Variants in CCSER1 observed in about 807,000 individuals in gnomAD.
The protein encoded by CCSER1 is serine-rich coiled-coil domain-containing protein 1.
In CCSER1, 41 loss-of-function variants were observed where a neutral mutation model predicts 82.0. The observed-to-expected ratio is 0.50, with a 90% CI of 0.39 to 0.65. CCSER1 has a LOEUF of 0.65. Ranked by LOEUF, CCSER1 falls within the 30% of genes least tolerant of loss-of-function variation. The pLI, the probability that CCSER1 is intolerant of heterozygous loss-of-function variation, is 0.00. For synonymous variants in CCSER1, 414 were observed against 383.9 expected (o/e 1.08, Z -0.92); for missense variants, 1,119 against 1,064.2 (o/e 1.05, Z -0.72).
intron 5 of CCSER1, among the ~76,000 whole-genome samples, chr4:90,527,972 T>C (rs1774000229): frequency 6.6e-6 from 1 of 152,134 alleles, no homozygotes; most frequent in South Asian, 2.1e-4. Context: ...TAGGGGAAAT[T>C]ATGATGATTT....
intron 10 of CCSER1, among the ~76,000 whole-genome samples, chr4:91,350,280 AT>A (rs1342076923): frequency 3.3e-5 from 5 of 152,188 alleles, no homozygotes; most frequent in Non-Finnish European, 7.4e-5. Flanking sequence ...TTCTTCTGAT[AT>A]GTTTCTATTC....
chr4:91,391,488 A>G (rs532172313), intron 10 of CCSER1, among the ~76,000 whole-genome samples: 5 of 152,012 alleles, frequency 3.3e-5, no homozygotes, highest in African/African-American at 4.8e-5. Context: ...TTTTGTACAG[A>G]TGGTGTGTCC....
intron 10 of CCSER1, among the ~76,000 whole-genome samples, chr4:91,317,603 CGTGT>C (rs901591752): frequency 1.2e-4 from 18 of 148,546 alleles, no homozygotes. Context: ...TGTGTGTGTG[CGTGT>C]GTGTGTGTGT....
At chr4:90,945,624 A>G (rs1330935776) in intron 9 of CCSER1, among the ~76,000 whole-genome samples, 1 of 152,144 alleles carries the variant, frequency 6.6e-6, no homozygotes, top group East Asian at 1.9e-4. Flanking sequence ...CCACAAACAG[A>G]CTGTGTTATT....
At chr4:91,177,757 A>T (rs1733553624) in intron 10 of CCSER1, among the ~76,000 whole-genome samples, 1 of 152,084 alleles carries the variant, frequency 6.6e-6, no homozygotes, top group African/African-American at 2.4e-5. Flanking sequence ...TGATCTTTTC[A>T]AAAAACAATC....
intron 3 of CCSER1, among the ~76,000 whole-genome samples, chr4:90,320,388 A>C (rs185324298): frequency 6.6e-6 from 1 of 152,296 alleles, no homozygotes; most frequent in East Asian, 1.9e-4. Flanking sequence ...TTGTCTGATA[A>C]AGCTCTGGCT....
intron 10 of CCSER1, among the ~76,000 whole-genome samples, chr4:91,509,900 C>T (rs1291636702): frequency 6.6e-6 from 1 of 151,870 alleles, no homozygotes; most frequent in Non-Finnish European, 1.5e-5. Context: ...CAGTTTGTTC[C>T]ATTAGGTACA....
At chr4:90,377,077 A>C (rs1748454936) in intron 3 of CCSER1, among the ~76,000 whole-genome samples, 1 of 152,100 alleles carries the variant, frequency 6.6e-6, no homozygotes, top group Admixed American at 6.6e-5. Context: ...CAGGCACCTA[A>C]AAATGCTGTC....
intron 10 of CCSER1, among the ~76,000 whole-genome samples, chr4:91,431,234 T>C (rs1175963453): frequency 6.6e-6 from 1 of 151,926 alleles, no homozygotes; most frequent in Non-Finnish European, 1.5e-5. Flanking sequence ...AGACTCCATC[T>C]CAAAAACAGC....
intron 1 of CCSER1, among the ~76,000 whole-genome samples, chr4:90,257,849 A>G (rs562140852): frequency 2.0e-5 from 3 of 152,152 alleles, no homozygotes; most frequent in Non-Finnish European, 1.5e-5. Context: ...CTTTTATTCT[A>G]TTCAGGCCAT....
intron 10 of CCSER1, among the ~76,000 whole-genome samples, chr4:91,188,963 GA>G (rs1196562169): frequency 6.6e-6 from 1 of 151,746 alleles, no homozygotes; most frequent in Non-Finnish European, 1.5e-5. Flanking sequence ...CAGAGAAATA[GA>G]AAAAAAGAGT....
chr4:91,081,243 G>T (rs1028512983), intron 9 of CCSER1, among the ~76,000 whole-genome samples: 3 of 152,096 alleles, frequency 2.0e-5, no homozygotes, highest in Non-Finnish European at 4.4e-5. Flanking sequence ...GGGATGCAAG[G>T]CTGGTTCAAC....
intron 5 of CCSER1, among the ~76,000 whole-genome samples, chr4:90,477,386 C>A (rs985280923): frequency 2.6e-5 from 4 of 152,066 alleles, no homozygotes; most frequent in Non-Finnish European, 5.9e-5. Flanking sequence ...ATAGCACCTG[C>A]TTTGTAAGGT....
chr4:90,924,495 C>A (rs2150255306), intron 9 of CCSER1, among the ~76,000 whole-genome samples: 1 of 152,036 alleles, frequency 6.6e-6, no homozygotes, highest in South Asian at 2.1e-4. Context: ...AAAAATTATT[C>A]AATTATGTTT....
At chr4:91,331,071 C>T (rs1213312815) in intron 10 of CCSER1, among the ~76,000 whole-genome samples, 2 of 152,042 alleles carry the variant, frequency 1.3e-5, no homozygotes, top group Non-Finnish European at 2.9e-5. Flanking sequence ...CAGACATCCA[C>T]TGGGGGTCTT....
At chr4:91,022,881 T>A (rs1234271462) in intron 9 of CCSER1, among the ~76,000 whole-genome samples, 1 of 152,206 alleles carries the variant, frequency 6.6e-6, no homozygotes, top group Admixed American at 6.5e-5. Flanking sequence ...TGTAAATTTG[T>A]TTGAGTTCAT....
At chr4:90,967,381 G>T (rs1035917589) in intron 9 of CCSER1, among the ~76,000 whole-genome samples, 1 of 151,870 alleles carries the variant, frequency 6.6e-6, no homozygotes, top group Non-Finnish European at 1.5e-5. Context: ...CCCAAGAGGT[G>T]CAGGTTGCAG....
At chr4:91,381,999 G>T (rs1750934963) in intron 10 of CCSER1, among the ~76,000 whole-genome samples, 1 of 152,172 alleles carries the variant, frequency 6.6e-6, no homozygotes, top group Admixed American at 6.5e-5. Context: ...TTCCAACTCT[G>T]TTGGAGTTTG....
intron 10 of CCSER1, among the ~76,000 whole-genome samples, chr4:91,578,301 G>A (rs1387221712): frequency 6.6e-6 from 1 of 151,794 alleles, no homozygotes; most frequent in Non-Finnish European, 1.5e-5. Flanking sequence ...TCTCAAAACT[G>A]TCACAGTTTC....
Sources: allele counts gnomAD v4.1 joint callset (sites outside exome capture counted in the v4.1 genomes callset), GRCh38; gene constraint gnomAD v4.1.1; transcripts MANE v1.5; gene names NCBI Gene and HGNC (gene_info 2026-07-23, HGNC 2026-07-21).